CAMK1D: variants seen among roughly 807,000 people sequenced by gnomAD.
CAMK1D encodes calcium/calmodulin dependent protein kinase ID.
In CAMK1D, 9 loss-of-function variants were observed where a neutral mutation model predicts 47.7. That is an observed-to-expected ratio of 0.19 (90% confidence interval 0.11 to 0.33). The LOEUF (loss-of-function observed/expected upper bound fraction) is 0.33, where lower values mean the gene tolerates loss of function less well. Among genes scored for constraint, CAMK1D ranks in the 10% least tolerant of loss-of-function variants. CAMK1D has a pLI of 1.00. For synonymous variants in CAMK1D, 184 were observed against 184.9 expected, an observed-to-expected ratio of 0.99 and a Z score of 0.04; for missense variants, 291 against 488.7, an observed-to-expected ratio of 0.60 and a Z score of 3.81.
At chr10:12,734,319 T>A (rs1430049535) in intron 3 of CAMK1D, among the ~76,000 whole-genome samples, 1 of 58,550 alleles carries the variant, frequency 1.7e-5, no homozygotes, top group Non-Finnish European at 2.7e-5. Context: ...CGAGACTCCA[T>A]CTCAAAAAAA....
intron 2 of CAMK1D, among the ~76,000 whole-genome samples, chr10:12,563,893 A>C (rs773222158): frequency 2.0e-5 from 3 of 152,154 alleles, no homozygotes; most frequent in Non-Finnish European, 4.4e-5. Flanking sequence ...TCCTTGTGCC[A>C]TCTCTGTCAT....
At chr10:12,768,951 A>G (rs962863714) in intron 4 of CAMK1D, among the ~76,000 whole-genome samples, 2 of 152,214 alleles carry the variant, frequency 1.3e-5, no homozygotes, top group African/African-American at 4.8e-5. Flanking sequence ...GAAGACAGGA[A>G]CACGGGGGCC....
chr10:12,763,286 A>G (rs985894648), intron 4 of CAMK1D, among the ~76,000 whole-genome samples: 3 of 152,172 alleles, frequency 2.0e-5, no homozygotes, highest in Non-Finnish European at 4.4e-5. Context: ...AGTTAAAACA[A>G]CCTATATAAC....
intron 3 of CAMK1D, among the ~76,000 whole-genome samples, chr10:12,739,442 A>ATTTTTTTTTTT (rs1186963710): frequency 1.6e-5 from 2 of 127,750 alleles, no homozygotes; most frequent in Admixed American, 8.0e-5. Context: ...CACCCGGCTA[A>ATTTTTTTTTTT]TTTTTTTTTT....
chr10:12,378,920 C>G (rs1480250818), intron 1 of CAMK1D, among the ~76,000 whole-genome samples: 1 of 151,414 alleles, frequency 6.6e-6, no homozygotes, highest in Non-Finnish European at 1.5e-5. Context: ...AGTGATTCTC[C>G]TGTCTCAGCC....
intron 2 of CAMK1D, among the ~76,000 whole-genome samples, chr10:12,618,153 T>C (rs1486552339): frequency 1.3e-5 from 2 of 152,220 alleles, no homozygotes; most frequent in Non-Finnish European, 2.9e-5. Flanking sequence ...CTCTCTCTCC[T>C]CTTCAACATT....
intron 5 of CAMK1D, among the ~76,000 whole-genome samples, chr10:12,789,347 A>G (rs879076194): frequency 1.3e-5 from 2 of 152,232 alleles, no homozygotes; most frequent in Admixed American, 1.3e-4. Context: ...ACCTAGACTG[A>G]AGACGCTCTC....
chr10:12,523,179 C>T (rs1182768810), intron 1 of CAMK1D, among the ~76,000 whole-genome samples: 2 of 151,562 alleles, frequency 1.3e-5, no homozygotes, highest in Non-Finnish European at 2.9e-5. Context: ...CTCCTCACAT[C>T]CCAGACGGGG....
intron 5 of CAMK1D, among the ~76,000 whole-genome samples, chr10:12,777,804 C>T (rs1024436422): frequency 6.6e-6 from 1 of 152,248 alleles, no homozygotes; most frequent in African/African-American, 2.4e-5. Flanking sequence ...TCACCTCCTT[C>T]CGCAGCCATG....
rs569284492 is a variant in CAMK1D at position 12,412,616 on chromosome 10, G to A, written c.92+62706G>A. Among the ~76,000 whole-genome samples the A allele has an allele frequency of 1.7e-4, 21 of 122,938 alleles. No homozygotes were observed. In the South Asian group the frequency reaches 5.3e-3, roughly 31 times the overall value. The allele number at this position is 122,938 out of a possible 152,430, so 80.7% of individuals were successfully genotyped here. A position where few individuals can be genotyped will look rare whatever the true frequency, so the allele number is the denominator to read the frequency against. ...CCAGCCTGGGCAACAAGAGTGAGAC[G>A]CCATCTCAAAAAAAAAAAAAAAAAG... On this transcript the variant is annotated intron_variant, in intron 1 of 10. Transcript: ENST00000619168.
chr10:12,452,552 AT>A (rs2132035519), intron 1 of CAMK1D, among the ~76,000 whole-genome samples: 1 of 152,062 alleles, frequency 6.6e-6, no homozygotes, highest in Non-Finnish European at 1.5e-5. Context: ...ATCAATACAC[AT>A]TATAGTAATA....
chr10:12,502,059 C>G (rs992546726), intron 1 of CAMK1D, among the ~76,000 whole-genome samples: 3 of 150,210 alleles, frequency 2.0e-5, no homozygotes, highest in African/African-American at 7.3e-5. Flanking sequence ...GGGCAGGCAG[C>G]CACCAGGGCA....
chr10:12,440,192 G>T (rs1832745188), intron 1 of CAMK1D, among the ~76,000 whole-genome samples: 1 of 152,120 alleles, frequency 6.6e-6, no homozygotes, highest in Non-Finnish European at 1.5e-5. Context: ...TCATTTCCTT[G>T]AAACTCTTCA....
chr10:12,828,493 T>C (rs1187165482), intron 10 of CAMK1D, among the ~76,000 whole-genome samples: 12 of 151,880 alleles, frequency 7.9e-5, no homozygotes, highest in Admixed American at 5.9e-4. Flanking sequence ...ATACAAAAAT[T>C]AGCCCGGCGT....
intron 5 of CAMK1D, among the ~76,000 whole-genome samples, chr10:12,786,020 A>G (rs966096578): frequency 6.6e-6 from 1 of 152,168 alleles, no homozygotes; most frequent in Non-Finnish European, 1.5e-5. Context: ...TGAGAATGTT[A>G]TATTTTCCAC....
chr10:12,448,381 T>A (rs1453120819), intron 1 of CAMK1D, among the ~76,000 whole-genome samples: 1 of 149,288 alleles, frequency 6.7e-6, no homozygotes, highest in East Asian at 2.0e-4. Context: ...ATTTTTATTT[T>A]TTTTTTGTTT....
chr10:12,686,795 T>C (rs1187614835), intron 3 of CAMK1D, among the ~76,000 whole-genome samples: 1 of 152,180 alleles, frequency 6.6e-6, no homozygotes, highest in Non-Finnish European at 1.5e-5. Flanking sequence ...ACTTGTACTA[T>C]TTGAATTTTT....
rs551113997 is a variant in CAMK1D, at chr10:12,691,000, G to A, written c.299+24190G>A. On this transcript the variant is annotated intron_variant, in intron 3 of 10. Coordinates refer to ENST00000619168, the MANE Select transcript of CAMK1D (RefSeq NM_153498.4). ...AGCCCTTTCTCTCTGTTGACTGGGG[G>A]CGTCGTTTCACAAAGTCAACTCAAG... Among the ~76,000 whole-genome samples the A allele has an allele frequency of 1.3e-4, 20 of 152,234 alleles. No homozygotes were observed. The South Asian group carries it at 3.7e-3, about 28-fold the overall frequency.
chr10:12,534,117 A>G lies in CAMK1D; in HGVS notation c.93-19108A>G, dbSNP rs546857044. Among the ~76,000 whole-genome samples the G allele has an allele frequency of 2.2e-4, 33 of 152,322 alleles. 1 individual carries two copies. The South Asian group carries it at 6.6e-3, about 31-fold the overall frequency. On this transcript the variant is annotated intron_variant, in intron 1 of 10. Coordinates refer to ENST00000619168, the MANE Select transcript of CAMK1D (RefSeq NM_153498.4). ...TTTTGTAATTTGGTGCAACAGGCCAATGTTAGCTCTTGTAACAAACAAACC... is the reference window on the plus strand; with the variant it reads ...TTTTGTAATTTGGTGCAACAGGCCAGTGTTAGCTCTTGTAACAAACAAACC...
Sources: gnomAD v4.1 joint callset for allele counts (sites outside exome capture counted in the v4.1 genomes callset) on GRCh38, gnomAD v4.1.1 for gene constraint, MANE v1.5 for transcripts, NCBI Gene and HGNC (gene_info 2026-07-23, HGNC 2026-07-21) for gene names.